The following DLGAP2 variants were observed in gnomAD, a reference collection of about 807,000 sequenced individuals.
DLGAP2 encodes the protein disks large-associated protein 2.
Under a neutral mutation model 100.3 loss-of-function variants are expected in DLGAP2, and 26 were observed. That is an observed-to-expected ratio of 0.26 (90% CI 0.19 to 0.36). The LOEUF is 0.36. DLGAP2 is among the 10% of genes least tolerant of loss of function. The pLI is 1.00. For synonymous variants in DLGAP2, 886 were observed against 630.1 expected (o/e 1.41, Z -6.08); for missense variants, 1,858 against 1,453.2 (o/e 1.28, Z -4.53).
chr8:829,164 A>G (rs995742046), intron 1 of DLGAP2, among the ~76,000 whole-genome samples: 2 of 152,236 alleles, frequency 1.3e-5, no homozygotes, highest in African/African-American at 2.4e-5. Context: ...ACACTATGAG[A>G]TAACTGACAT....
intron 1 of DLGAP2, among the ~76,000 whole-genome samples, chr8:757,037 T>A (rs1315427767): frequency 1.3e-5 from 2 of 152,206 alleles, no homozygotes; most frequent in East Asian, 3.9e-4. Flanking sequence ...CAGTTCCCTG[T>A]TCGTGGCTCC....
Position 987,213 on chromosome 8 carries a change from C to G in DLGAP2, c.73+79247C>G, listed in dbSNP as rs182453427. Among the ~76,000 whole-genome samples, 490 of 152,236 alleles carry G rather than the reference C, an allele frequency of 3.2e-3. 5 individuals are homozygous for G. Among genetic ancestry groups the G allele is most frequent in the African/African-American group, 0.011 (459 of 41,518 alleles). On this transcript the variant is annotated intron_variant, in intron 2 of 14. Coordinates refer to ENST00000637795, the MANE Select transcript of DLGAP2 (RefSeq NM_001346810.2). ...TGTCTTTGCAGGAGTGCCAGGTGCC[C>G]TGGCCGGGGTCGCCTGAGATCAGGA...
intron 3 of DLGAP2, among the ~76,000 whole-genome samples, chr8:1,497,457 C>A (rs1444014647): frequency 6.6e-6 from 1 of 152,172 alleles, no homozygotes; most frequent in Non-Finnish European, 1.5e-5. Context: ...CGTTGGCTTC[C>A]TAGGCCAGGC....
chr8:1,268,908 G>C (rs1297025527), intron 3 of DLGAP2, among the ~76,000 whole-genome samples: 1 of 152,190 alleles, frequency 6.6e-6, no homozygotes, highest in Non-Finnish European at 1.5e-5. Context: ...CTTTGTGGCA[G>C]AATGACATGG....
At chr8:1,470,791 C>CCGACCCCTCCAGGCTTTCA (rs1798764075) in intron 3 of DLGAP2, among the ~76,000 whole-genome samples, 1 of 116,038 alleles carries the variant, frequency 8.6e-6, no homozygotes, top group Non-Finnish European at 1.9e-5. Context: ...CCAGCCTTTC[C>CCGACCCCTCCAGGCTTTCA]CGACCCCTCC....
At chr8:1,273,848 C>T (rs1233315417) in intron 3 of DLGAP2, among the ~76,000 whole-genome samples, 1 of 152,130 alleles carries the variant, frequency 6.6e-6, no homozygotes, top group Admixed American at 6.5e-5. Flanking sequence ...GTGTAGAATT[C>T]CAAATGGGAG....
chr8:1,581,622 T>C (rs1019852029), intron 6 of DLGAP2, among the ~76,000 whole-genome samples: 40 of 147,586 alleles, frequency 2.7e-4, no homozygotes, highest in African/African-American at 9.9e-4. Context: ...AAGTGAAGGA[T>C]ACAGACAAAA....
chr8:1,127,462 G>A (rs1173205617), intron 2 of DLGAP2, among the ~76,000 whole-genome samples: 2 of 152,098 alleles, frequency 1.3e-5, no homozygotes, highest in African/African-American at 4.8e-5. Flanking sequence ...TCGTGGCCAC[G>A]TTAGAGCCTC....
rs1460308602 is a variant in DLGAP2, at chr8:852,528, C to G, written c.19-55384C>G. Among the ~76,000 whole-genome samples, 4 of 151,998 alleles carry G rather than the reference C, an allele frequency of 2.6e-5. No individual in the cohort carries two copies. The East Asian group carries it at 7.7e-4, about 29-fold the overall frequency. On this transcript the variant is annotated intron_variant, in intron 1 of 14. Transcript: ENST00000637795. Reference sequence around the variant, plus strand: ...ACTCAAGATTCTGTGGGTCATTTTCCTCTTTCTCTTGCCAGCTTAATCGAT... The same window carrying G: ...ACTCAAGATTCTGTGGGTCATTTTCGTCTTTCTCTTGCCAGCTTAATCGAT...
intron 1 of DLGAP2, among the ~76,000 whole-genome samples, chr8:749,890 C>T (rs963512480): frequency 1.3e-5 from 2 of 152,154 alleles, no homozygotes; most frequent in African/African-American, 4.8e-5. Flanking sequence ...CTGATGGCTC[C>T]AGGCATCCTG....
At chr8:1,493,936 A>T (rs894684715) in intron 3 of DLGAP2, among the ~76,000 whole-genome samples, 5 of 152,246 alleles carry the variant, frequency 3.3e-5, no homozygotes, top group African/African-American at 1.2e-4. Context: ...TAAAAAGTGC[A>T]GTGTGGACTC....
intron 3 of DLGAP2, among the ~76,000 whole-genome samples, chr8:1,290,002 A>G (rs559153330): frequency 1.4e-4 from 21 of 152,228 alleles, no homozygotes; most frequent in Non-Finnish European, 2.4e-4. Flanking sequence ...TAGCTGCTGA[A>G]AAAGGTTCTA....
intron 1 of DLGAP2, among the ~76,000 whole-genome samples, chr8:812,456 T>C (rs1299491237): frequency 1.3e-5 from 2 of 152,172 alleles, no homozygotes; most frequent in African/African-American, 4.8e-5. Context: ...TCAGGAGTTC[T>C]TCCCAAGAGG....
At chr8:1,625,942 A>G (rs1171922646) in intron 6 of DLGAP2, among the ~76,000 whole-genome samples, 1 of 152,206 alleles carries the variant, frequency 6.6e-6, no homozygotes, top group African/African-American at 2.4e-5. Flanking sequence ...TGTGGATTGG[A>G]CGGTCGTTCC....
intron 2 of DLGAP2, among the ~76,000 whole-genome samples, chr8:963,899 G>C (rs959964706): frequency 1.3e-5 from 2 of 152,234 alleles, no homozygotes; most frequent in East Asian, 1.9e-4. Flanking sequence ...GCCAAGTCCA[G>C]GTGGCTTGCA....
intron 1 of DLGAP2, among the ~76,000 whole-genome samples, chr8:848,434 T>C (rs1303681855): frequency 2.2e-4 from 15 of 69,746 alleles, no homozygotes; most frequent in Non-Finnish European, 4.2e-4. Context: ...TGTAGGGTCG[T>C]GCGGTGCGTG....
rs143618534 is a variant in DLGAP2 at position 1,598,384 on chromosome 8, G to C, written c.1443-28356G>C. ...CAGGATGATGCTGGCCTCATAAAAT[G>C]AGTTAGAGAGGAGTCCGTCTTTTTC... On this transcript the variant is annotated intron_variant, in intron 6 of 14. Coordinates refer to ENST00000637795, the MANE Select transcript of DLGAP2 (RefSeq NM_001346810.2). Among the ~76,000 whole-genome samples the C allele has an allele frequency of 5.9e-5, 9 of 152,324 alleles. No individual in the cohort carries two copies. In the East Asian group the frequency reaches 1.5e-3, roughly 26 times the overall value.
chr8:1,559,545 T>A (rs1170563511), intron 5 of DLGAP2, among the ~76,000 whole-genome samples: 1 of 152,226 alleles, frequency 6.6e-6, no homozygotes, highest in Non-Finnish European at 1.5e-5. Flanking sequence ...GCCTGCGAAA[T>A]TGGCTTCTTA....
chr8:894,223 C>T (rs776581069), intron 1 of DLGAP2, among the ~76,000 whole-genome samples: 54 of 152,134 alleles, frequency 3.5e-4, no homozygotes, highest in Non-Finnish European at 1.5e-4. Context: ...GAGGTGGACA[C>T]GGAATGAGTG....
Sources: gnomAD v4.1 joint callset for allele counts (sites outside exome capture counted in the v4.1 genomes callset) on GRCh38, gnomAD v4.1.1 for gene constraint, MANE v1.5 for transcripts, NCBI Gene and HGNC (gene_info 2026-07-23, HGNC 2026-07-21) for gene names.